Variants in KIF7 observed in about 807,000 individuals in gnomAD.
KIF7 encodes kinesin-like protein KIF7.
Under a neutral mutation model 135.7 loss-of-function variants are expected in KIF7, and 104 were observed. That is an observed-to-expected ratio of 0.77 (90% CI 0.65 to 0.90). The LOEUF (loss-of-function observed/expected upper bound fraction) is 0.90. Ranked by LOEUF, KIF7 falls within the 40% of genes least tolerant of loss-of-function variation. The pLI, the probability that KIF7 is intolerant of heterozygous loss-of-function variation, is 0.00. For synonymous variants in KIF7, 883 were observed against 809.4 expected (o/e 1.09, Z -1.54); for missense variants, 2,005 against 1,839.1 (o/e 1.09, Z -1.65).
At chr15:89,643,265 TATC>T (rs1963954245) in intron 10 of KIF7, among the ~76,000 whole-genome samples, 1 of 152,236 alleles carries the variant, frequency 6.6e-6, no homozygotes, top group African/African-American at 2.4e-5. Context: ...AGATTTTTCT[TATC>T]ATCATTACCT....
At chr15:89,622,636 G>A (rs1023579975) in intron 1 of KIF7, among the ~76,000 whole-genome samples, 3 of 152,170 alleles carry the variant, frequency 2.0e-5, no homozygotes, top group African/African-American at 7.2e-5. Flanking sequence ...ACACAACCAA[G>A]ATCAGTCTCC....
Position 89,631,626 on chromosome 15 carries a change from G to A in KIF7, c.2980C>T (p.Gln994Ter). 1 of 1,561,710 alleles carries A rather than the reference G, an allele frequency of 6.4e-7. No individual in the cohort carries two copies. Among genetic ancestry groups the A allele is most frequent in the Non-Finnish European group, 8.7e-7 (1 of 1,152,060 alleles). Residue 994 changes from glutamine (Q) to a stop codon, truncating the protein, a stop_gained, in exon 15 of 19, where the codon CAG becomes TAG. Transcript: ENST00000394412. LOFTEE classifies it high-confidence loss of function. Reference sequence around the variant, plus strand: ...TGCTGCTGGCTCTGGGCGCTGCCCTGCCGCAGCTGCCCGCTCTTCTCGGAC... The same window carrying A: ...TGCTGCTGGCTCTGGGCGCTGCCCTACCGCAGCTGCCCGCTCTTCTCGGAC... ...ELSEKSGQLR[Q>*]GSAQSQQQIR... is the part of the protein sequence containing the mutation.
In KIF7 at chr15:89,652,808, C is replaced by T. The variant is rs1284651685; in HGVS notation, c.123G>A (p.Glu41=). ...LHGHQSCLQV[E]PGLGRVTLGR... is the part of the protein sequence containing the mutation. ...CCAGAGTGACGCGGCCAAGCCCTGG[C>T]TCCACCTGCAGGCAGCTCTGATGCC... The change falls in exon 2 of 19, where the codon GAG becomes GAA. Residue 41 remains glutamate (E), a synonymous_variant. Transcript: ENST00000394412. 1 of 1,551,022 alleles carries T rather than the reference C, an allele frequency of 6.4e-7. No individual in the cohort carries two copies. The highest frequency in any genetic ancestry group is 1.4e-5 in the African/African-American group (1 of 73,066).
chr15:89,649,225 G>C lies in KIF7; in HGVS notation c.672C>G (p.Thr224=). Residue 224 remains threonine, a synonymous_variant, in exon 4 of 19, where the codon ACC becomes ACG. Coordinates refer to ENST00000394412, the MANE Select transcript of KIF7 (RefSeq NM_198525.3). The stretch of plus-strand genomic sequence containing the variant: ...TGGGGGCGCGCCCCCGCTGCTCCAG[G>C]GTCACGGTGAAGACCGTGTGTGAGC... ...SSRSHTVFTV[T]LEQRGRAPSR... is the part of the protein sequence containing the mutation. 5 of 1,546,400 alleles carry C rather than the reference G, an allele frequency of 3.2e-6. No homozygotes were observed. The highest frequency in any genetic ancestry group is 4.4e-6 in the Non-Finnish European group (5 of 1,145,276).
downstream of KIF7, chr15:89,625,266 C>A (rs746058949): frequency 3.7e-6 from 6 of 1,613,452 alleles, no homozygotes; most frequent in Non-Finnish European, 5.1e-6. Flanking sequence ...CCACCCACGG[C>A]CCTTCTAGTA....
At chr15:89,633,616 T>TC in intron 12 of KIF7, 70 bp downstream of exon 12, 1 of 1,537,726 alleles carries the variant, frequency 6.5e-7, no homozygotes. Flanking sequence ...CTGCCTGGGC[T>TC]CCCCTGGCTG....
At chr15:89,642,720 C>A (rs1333031444) in intron 10 of KIF7, among the ~76,000 whole-genome samples, 2 of 152,144 alleles carry the variant, frequency 1.3e-5, no homozygotes, top group Non-Finnish European at 2.9e-5. Context: ...CAGGCACGTG[C>A]CACTACACCT....
At position 89,655,122 on chromosome 15, in the gene KIF7, C is replaced by T. The variant is rs148255731; in HGVS notation, c.-25+277G>A. ...AAAGTTGGAAGAAGTGATTACAAATCGGGACCCGACTCTCGCAGCCTTGGC... is the reference window on the plus strand; with the variant it reads ...AAAGTTGGAAGAAGTGATTACAAATTGGGACCCGACTCTCGCAGCCTTGGC... On this transcript the variant is annotated intron_variant, in intron 1 of 18. Transcript: ENST00000394412. 7.8e-3 allele frequency among the ~76,000 whole-genome samples: 1,188 copies of T among 152,336 alleles called. 17 individuals are homozygous for T. Among genetic ancestry groups the T allele is most frequent in the African/African-American group, 0.027 (1,126 of 41,578 alleles).
rs886051532 is a variant in KIF7 at position 89,648,340 on chromosome 15, G to A, written c.1358C>T (p.Ala453Val). 22 of 1,483,232 alleles carry A rather than the reference G, an allele frequency of 1.5e-5. No homozygotes were observed. Among genetic ancestry groups the A allele is most frequent in the Non-Finnish European group, 2.0e-5 (22 of 1,116,456 alleles). The allele number at this position is 1,483,232 out of a possible 1,614,324, so 91.9% of individuals were successfully genotyped here. A position where few individuals can be genotyped will look rare whatever the true frequency, so the allele number is the denominator to read the frequency against. Residue 453 changes from alanine to valine, a missense_variant, in exon 5 of 19, where the codon GCC becomes GTC. Coordinates refer to ENST00000394412, the MANE Select transcript of KIF7 (RefSeq NM_198525.3). ...WLCAVEGERS[A>V]LSSASGPDSG... is the part of the protein sequence containing the mutation. ...ATCGGGCCCGGAGGCGGAGCTCAGG[G>A]CGCTGCGCTCGCCCTCGACGGCGCA...
downstream of KIF7, chr15:89,625,745 G>T (rs1963510999): frequency 6.2e-7 from 1 of 1,612,654 alleles, no homozygotes; most frequent in African/African-American, 1.3e-5. Context: ...TGGAGTGCAT[G>T]GCAGCTACCC....
At chr15:89,630,625 C>T (rs1250017858) in intron 15 of KIF7, 132 bp from the exon 16 acceptor site, 32 of 782,096 alleles carry the variant, frequency 4.1e-5, no homozygotes, top group South Asian at 1.0e-4. Flanking sequence ...GCCAAGTCAG[C>T]CCATCGAGAG....
intron 1 of KIF7, among the ~76,000 whole-genome samples, chr15:89,653,504 G>A (rs1189941199): frequency 6.6e-6 from 1 of 152,140 alleles, no homozygotes; most frequent in Non-Finnish European, 1.5e-5. Flanking sequence ...CACTGACATC[G>A]TGCCAGGATG....
Position 89,632,947 on chromosome 15 carries a change from A to G in KIF7, c.2768T>C (p.Leu923Pro). 1 of 1,518,098 alleles carries G rather than the reference A, an allele frequency of 6.6e-7. No individual in the cohort carries two copies. Among genetic ancestry groups the G allele is most frequent in the South Asian group, 1.1e-5 (1 of 89,730 alleles). The allele number at this position is 1,518,098 out of a possible 1,614,324, so 94.0% of individuals were successfully genotyped here. A position where few individuals can be genotyped will look rare whatever the true frequency, so the allele number is the denominator to read the frequency against. ...KWLDQEMEKV[L>P]QQRRALEELG... ...CTCCTCCAGCGCCCGCCGCTGCTGT[A>G]GCACCTTCTCCATCTCCTGGTCCAG... is the stretch of plus-strand genomic sequence containing the variant. Residue 923 changes from leucine to proline, a missense_variant, in exon 14 of 19, where the codon CTA becomes CCA. Leu to Pro is a moderately conservative substitution (Grantham distance 98). Transcript: ENST00000394412.
At position 89,628,691 on chromosome 15, in the gene KIF7, G is replaced by C. The variant is rs528407611; in HGVS notation, c.3760C>G (p.Leu1254Val). The change falls in exon 19 of 19, where the codon CTC (leucine) becomes GTC (valine). Residue 1254 changes from leucine (L) to valine (V), a missense_variant. Leu to Val is a conservative substitution (Grantham distance 32). Transcript: ENST00000394412. ...LAPELLWLSP[L>V]TEGAPRTREE... ...CGGGTGCGGGGGGCCCCCTCAGTGA[G>C]GGGGGACAGCCAGAGAAGCTCGGGT... is the stretch of plus-strand genomic sequence containing the variant. 2 of 1,613,028 alleles carry C rather than the reference G, an allele frequency of 1.2e-6. No individual in the cohort carries two copies. Among genetic ancestry groups the C allele is most frequent in the East Asian group, 2.2e-5 (1 of 44,844 alleles).
At chr15:89,638,863 C>G (rs1041139912) in intron 11 of KIF7, among the ~76,000 whole-genome samples, 3 of 152,192 alleles carry the variant, frequency 2.0e-5, no homozygotes, top group Non-Finnish European at 4.4e-5. Flanking sequence ...AAGAACAAAG[C>G]TGGAAGCATC....
intron 1 of KIF7, among the ~76,000 whole-genome samples, 154 bp from the exon 2 acceptor site, chr15:89,653,108 G>A (rs1222768357): frequency 6.6e-6 from 1 of 152,190 alleles, no homozygotes; most frequent in Non-Finnish European, 1.5e-5. Context: ...GTCCAACCTG[G>A]TGCTCAAAAA....
In KIF7 at chr15:89,654,330, G is replaced by A. The variant is rs369557131; in HGVS notation, c.-25+1069C>T. Among the ~76,000 whole-genome samples the A allele has an allele frequency of 8.2e-3, 1,185 of 144,002 alleles. 18 individuals are homozygous for A. The highest frequency in any genetic ancestry group is 0.028 in the African/African-American group (1,100 of 39,322). 94.5% of individuals were successfully genotyped at this position (144,002 alleles called of 152,430 possible). A position where few individuals can be genotyped will look rare whatever the true frequency, so the allele number is the denominator to read the frequency against. Reference sequence around the variant, plus strand: ...GGCCTGGGATTCAAAATATTAAGGGGAAAAAAAAAAAAGACAAGCCTTAAA... The same window carrying A: ...GGCCTGGGATTCAAAATATTAAGGGAAAAAAAAAAAAAGACAAGCCTTAAA... On this transcript the variant is annotated intron_variant, in intron 1 of 18. Transcript: ENST00000394412.
rs752651717 is a variant in KIF7, at chr15:89,628,764, G to A, written c.3687C>T (p.Cys1229=). The A allele has an allele frequency of 5.0e-6, 8 of 1,612,026 alleles. No individual in the cohort carries two copies. In the African/African-American group the frequency reaches 8.0e-5, roughly 16 times the overall value. The change falls in exon 19 of 19, where the codon TGC becomes TGT. Residue 1229 remains cysteine, a synonymous_variant. Transcript: ENST00000394412. ...HSRGGEKRSL[C]SEGRQAPGNE... ...TTCCAGGAGCCTGTCTGCCCTCCGA[G>A]CACAGGCTCCTCTTCTCCCCACCTG...
chr15:89,621,602 A>G (rs1963426909), intron 1 of KIF7: 1 of 1,496,886 alleles, frequency 6.7e-7, no homozygotes, highest in Non-Finnish European at 9.1e-7. Flanking sequence ...GAACACAGAG[A>G]CATGGCCAAG....
Sources: gnomAD v4.1 joint callset for allele counts (sites outside exome capture counted in the v4.1 genomes callset) on GRCh38, gnomAD v4.1.1 for gene constraint, MANE v1.5 for transcripts, NCBI Gene and HGNC (gene_info 2026-07-23, HGNC 2026-07-21) for gene names.